The following TENM1 variants were observed in gnomAD, a reference collection of about 807,000 sequenced individuals.
TENM1 encodes teneurin transmembrane protein 1.
Under a neutral mutation model 174.8 loss-of-function variants are expected in TENM1, and 35 were observed. The observed-to-expected ratio is 0.20, with a 90% confidence interval of 0.15 to 0.27. The LOEUF is 0.27. Among genes scored for constraint, TENM1 ranks in the 10% least tolerant of loss-of-function variants. The pLI, the probability that TENM1 is intolerant of heterozygous loss-of-function variation, is 1.00. For synonymous variants in TENM1, 781 were observed against 798.7 expected, an observed-to-expected ratio of 0.98 and a Z score of 0.37; for missense variants, 1,633 against 2,130.1, an observed-to-expected ratio of 0.77 and a Z score of 4.59.
At chrX:124,553,238 T>C (rs1414461115) in intron 14 of TENM1, among the ~76,000 whole-genome samples, 1 of 81,796 alleles carries the variant, frequency 1.2e-5, no homozygotes, top group East Asian at 4.2e-4. Flanking sequence ...GGCTCACGCC[T>C]GTAATCTCAG....
At chrX:124,886,760 T>C (rs1603262339) in intron 3 of TENM1, among the ~76,000 whole-genome samples, 1 of 93,027 alleles carries the variant, frequency 1.1e-5, no homozygotes, top group African/African-American at 4.0e-5. Context: ...ACCCTTAATA[T>C]AGGAAGTACT....
chrX:124,825,405 T>A (rs756403405), intron 3 of TENM1, among the ~76,000 whole-genome samples: 69 of 109,101 alleles, frequency 6.3e-4, no homozygotes, highest in African/African-American at 2.1e-3. Context: ...CCTCAAGTGA[T>A]CCACCCGCTT....
chrX:125,089,172 G>C, the TENM1 span, among the ~76,000 whole-genome samples: 1 of 111,576 alleles, frequency 9.0e-6, no homozygotes, highest in Non-Finnish European at 1.9e-5. Flanking sequence ...CTCTTATAAA[G>C]GTCTGCAGAG....
At chrX:124,561,640 T>C in intron 14 of TENM1, 31 bp downstream of exon 17, 1 of 1,208,710 alleles carries the variant, frequency 8.3e-7, no homozygotes, top group Non-Finnish European at 1.1e-6. Flanking sequence ...GGCTATTCCT[T>C]TCTTACGTGA....
intron 1 of TENM1, among the ~76,000 whole-genome samples, chrX:124,915,903 G>A (rs2057915728): frequency 8.9e-6 from 1 of 112,449 alleles, no homozygotes; most frequent in African/African-American, 3.2e-5. Context: ...AACAACCAAA[G>A]GCTTGAGGTG....
intron 22 of TENM1, among the ~76,000 whole-genome samples, chrX:124,455,239 C>G (rs1268627213): frequency 8.9e-6 from 1 of 111,927 alleles, no homozygotes; most frequent in Non-Finnish European, 1.9e-5. Context: ...AAGGGAATTC[C>G]ATGTCCATAA....
chrX:124,827,891 A>G (rs2056203734), intron 3 of TENM1, among the ~76,000 whole-genome samples: 1 of 112,090 alleles, frequency 8.9e-6, no homozygotes. Flanking sequence ...TATATTTAAC[A>G]CAGGCTTAAA....
the TENM1 span, among the ~76,000 whole-genome samples, chrX:125,103,922 G>A: frequency 1.8e-5 from 2 of 112,056 alleles, no homozygotes; most frequent in Non-Finnish European, 3.8e-5. Flanking sequence ...CCCGGAAGGC[G>A]GAGGTTGCAG....
At chrX:124,648,451 T>C (rs2051215468) in intron 8 of TENM1, among the ~76,000 whole-genome samples, 1 of 112,048 alleles carries the variant, frequency 8.9e-6, no homozygotes, top group South Asian at 3.7e-4. Flanking sequence ...AAAACTCAAA[T>C]GGATAAGCAA....
intron 7 of TENM1, among the ~76,000 whole-genome samples, chrX:124,652,447 G>T (rs2051332823): frequency 9.0e-6 from 1 of 111,160 alleles, no homozygotes; most frequent in South Asian, 3.8e-4. Flanking sequence ...TAATTATGAA[G>T]AAACCCTCAC....
the TENM1 span, among the ~76,000 whole-genome samples, chrX:125,013,744 T>C: frequency 9.0e-6 from 1 of 111,595 alleles, no homozygotes; most frequent in Non-Finnish European, 1.9e-5. Flanking sequence ...GATTTCTGAG[T>C]CACTGTGTTA....
intron 1 of TENM1, among the ~76,000 whole-genome samples, chrX:124,953,691 T>C (rs189120394): frequency 8.9e-6 from 1 of 111,882 alleles, no homozygotes; most frequent in East Asian, 2.8e-4. Context: ...TTGCTTTGTT[T>C]CCCAGGGGAC....
intron 6 of TENM1, among the ~76,000 whole-genome samples, chrX:124,662,033 C>A (rs934732394): frequency 5.4e-5 from 6 of 111,114 alleles, no homozygotes; most frequent in African/African-American, 1.6e-4. Context: ...ATTTGATGTC[C>A]CAGTTTATCT....
chrX:124,994,005 T>A, the TENM1 span, among the ~76,000 whole-genome samples: 4,446 of 110,021 alleles, frequency 0.04, 216 homozygotes, highest in African/African-American at 0.14. Flanking sequence ...ATAGCCCTAT[T>A]TTCATGATGA....
chrX:124,462,446 T>TGG (rs2061188634), intron 22 of TENM1, among the ~76,000 whole-genome samples: 1 of 6,572 alleles, frequency 1.5e-4, no homozygotes, highest in African/African-American at 3.3e-4. Context: ...GGGGTGGGGG[T>TGG]GGGGGGGAGG....
the TENM1 span, among the ~76,000 whole-genome samples, chrX:125,016,939 A>T: frequency 3.6e-5 from 4 of 111,793 alleles, no homozygotes; most frequent in Non-Finnish European, 7.5e-5. Flanking sequence ...TCTTTGACAG[A>T]CCTGACAAAA....
At chrX:124,724,169 T>C (rs1333771042) in intron 4 of TENM1, among the ~76,000 whole-genome samples, 1 of 111,850 alleles carries the variant, frequency 8.9e-6, no homozygotes, top group East Asian at 2.8e-4. Context: ...ATTTCCAAAA[T>C]AATATGCACT....
intron 11 of TENM1, among the ~76,000 whole-genome samples, chrX:124,575,294 A>G (rs1392167566): frequency 8.9e-6 from 1 of 112,000 alleles, no homozygotes; most frequent in Non-Finnish European, 1.9e-5. Flanking sequence ...CAGAAAACCT[A>G]TAACATAATA....
At chrX:124,969,964 T>C in the TENM1 span, among the ~76,000 whole-genome samples, 22,101 of 111,036 alleles carry the variant, frequency 0.2, 1,689 homozygotes, top group Non-Finnish European at 0.24. Flanking sequence ...ATAAAGACCA[T>C]GTTTACATTA....
Sources: allele counts gnomAD v4.1 joint callset (sites outside exome capture counted in the v4.1 genomes callset), GRCh38; gene constraint gnomAD v4.1.1; transcripts MANE v1.5; gene names NCBI Gene and HGNC (gene_info 2026-07-23, HGNC 2026-07-21).